The following GAN variants were observed in gnomAD, a reference collection of about 807,000 sequenced individuals.
The protein encoded by GAN is gigaxonin, also known as epididymis secretory sperm binding protein.
In GAN, 48 loss-of-function variants were observed where a neutral mutation model predicts 71.3. The observed-to-expected ratio is 0.67, with a 90% CI of 0.53 to 0.86. GAN has a LOEUF of 0.86. GAN is among the 40% of genes least tolerant of loss of function. The probability of loss-of-function intolerance (pLI) is 0.00; values close to 1 mark genes in which losing one functional copy is unlikely to be tolerated. For synonymous variants in GAN, 386 were observed against 276.8 expected (o/e 1.39, Z -3.92); for missense variants, 928 against 770.1 (o/e 1.21, Z -2.43).
chr16:81,367,960 G>A lies in GAN; in HGVS notation c.1502+2482G>A, dbSNP rs141932733. ...TAGTTTATTTCTTAAAAGATCAGAC[G>A]CAAATGTGTTATATTGGCATAGTGT... is the stretch of plus-strand genomic sequence containing the variant. On this transcript the variant is annotated intron_variant, in intron 9 of 10. Coordinates refer to ENST00000648994, the MANE Select transcript of GAN (RefSeq NM_022041.4). 1.7e-3 allele frequency among the ~76,000 whole-genome samples: 255 copies of A among 152,292 alleles called. 1 individual carries two copies. Among genetic ancestry groups the A allele is most frequent in the African/African-American group, 5.8e-3 (242 of 41,568 alleles).
At chr16:81,335,257 A>C (rs1350171207) in intron 1 of GAN, among the ~76,000 whole-genome samples, 1 of 151,750 alleles carries the variant, frequency 6.6e-6, no homozygotes, top group Non-Finnish European at 1.5e-5. Flanking sequence ...GGAACCTAGG[A>C]ATCTGTTTTT....
rs776812286 is a variant in GAN, at chr16:81,357,852, C to T, written c.894C>T (p.Leu298=). Residue 298 remains leucine (L), a synonymous_variant, in exon 5 of 11, where the codon CTC becomes CTT. Transcript: ENST00000648994. ...PTAAMRCMCP[L]YDPNRQLWIE... ...CAGCGATGCGATGCATGTGCCCTCT[C>T]TATGACCCTAACAGGCAGCTTTGGA... The T allele has an allele frequency of 6.2e-7, 1 of 1,613,318 alleles. No homozygotes were observed. Among genetic ancestry groups the T allele is most frequent in the East Asian group, 2.2e-5 (1 of 44,882 alleles).
chr16:81,367,035 G>C (rs1454384207), intron 9 of GAN, among the ~76,000 whole-genome samples: 1 of 152,030 alleles, frequency 6.6e-6, no homozygotes, highest in Non-Finnish European at 1.5e-5. Context: ...ATGTTTTCCA[G>C]GTTGGTCTCG....
chr16:81,354,537 G>C lies in GAN; in HGVS notation c.415G>C (p.Asp139His). ...IAAENCIGIRDFALHYCLHHV... is the reference protein window; with the variant it reads ...IAAENCIGIRHFALHYCLHHV... ...TGCTGAGAACTGTATTGGTATCCGT[G>C]ACTTTGCACTACATTACTGCCTCCA... Residue 139 changes from aspartate to histidine, a missense_variant, in exon 3 of 11, where the codon GAC becomes CAC. Physicochemically the swap from Asp to His is moderately conservative, Grantham distance 81 (BLOSUM62 -1). Transcript: ENST00000648994. 1 of 1,614,078 alleles carries C rather than the reference G, an allele frequency of 6.2e-7. No individual in the cohort carries two copies. Among genetic ancestry groups the C allele is most frequent in the African/African-American group, 1.3e-5 (1 of 75,040 alleles).
Position 81,357,003 on chromosome 16 carries a change from G to GTC in GAN, c.851+2_851+3insCT, listed in dbSNP as rs770702637. Reference sequence around the variant, plus strand: ...TGACTGTTGGTGGAGAAGAGAGAGTGTAAGTATGAGGTGGGACTTGTTTGA... The same window carrying GTC: ...TGACTGTTGGTGGAGAAGAGAGAGTGTCTAAGTATGAGGTGGGACTTGTTTGA... On this transcript the variant is annotated splice_donor_variant, in intron 4 of 10. Transcript: ENST00000648994. LOFTEE classifies it high-confidence loss of function. 1.3e-6 allele frequency: 2 copies of GTC among 1,573,864 alleles called. No individual in the cohort carries two copies. The highest frequency in any genetic ancestry group is 1.7e-6 in the Non-Finnish European group (2 of 1,144,480).
In GAN at chr16:81,351,491, G is replaced by A. The variant is rs1276366304; in HGVS notation, c.168-92G>A. ...TAGGTGGGGATTCATATACTGATAA[G>A]TATCTTATACGTTATAGAGTTTTGA... is the stretch of plus-strand genomic sequence containing the variant. On this transcript the variant is annotated intron_variant, in intron 1 of 10. Coordinates refer to ENST00000648994, the MANE Select transcript of GAN (RefSeq NM_022041.4). 5 of 720,662 alleles carry A rather than the reference G, an allele frequency of 6.9e-6. No individual in the cohort carries two copies. In the Admixed American group the frequency reaches 9.8e-5, roughly 14 times the overall value. The allele number at this position is 720,662 out of a possible 1,614,324, so 44.6% of individuals were successfully genotyped here. A position where few individuals can be genotyped will look rare whatever the true frequency, so the allele number is the denominator to read the frequency against.
chr16:81,349,205 G>A (rs1910218674), intron 1 of GAN, among the ~76,000 whole-genome samples: 1 of 146,122 alleles, frequency 6.8e-6, no homozygotes, highest in Non-Finnish European at 1.5e-5. Context: ...CCCCGACCCC[G>A]TCCTCACCTA....
intron 1 of GAN, among the ~76,000 whole-genome samples, chr16:81,350,446 T>C (rs1567489626): frequency 6.6e-6 from 1 of 152,178 alleles, no homozygotes; most frequent in Non-Finnish European, 1.5e-5. Context: ...CTATGGAGAA[T>C]AAGTAGCATA....
At chr16:81,345,406 C>T (rs185765488) in intron 1 of GAN, among the ~76,000 whole-genome samples, 8 of 152,146 alleles carry the variant, frequency 5.3e-5, no homozygotes, top group Non-Finnish European at 1.0e-4. Flanking sequence ...CCATGGAATA[C>T]TATGCAGCCA....
chr16:81,374,243 A>G (rs1904275258), intron 9 of GAN, among the ~76,000 whole-genome samples: 1 of 152,236 alleles, frequency 6.6e-6, no homozygotes. Context: ...GATGTGCCTT[A>G]TTGCTGGTGA....
chr16:81,358,026 A>AT (rs1910549570), intron 5 of GAN, 95 bp downstream of exon 5: 4 of 1,059,428 alleles, frequency 3.8e-6, no homozygotes, highest in Non-Finnish European at 5.8e-6. Flanking sequence ...TAAAGATACA[A>AT]TTTTATTATC....
intron 1 of GAN, among the ~76,000 whole-genome samples, chr16:81,331,288 C>CAAGG (rs1215762224): frequency 6.6e-6 from 1 of 152,114 alleles, no homozygotes; most frequent in Non-Finnish European, 1.5e-5. Context: ...TCATGAAAGA[C>CAAGG]AAGGAAGGAA....
chr16:81,358,216 A>C (rs539757501), intron 5 of GAN, among the ~76,000 whole-genome samples: 1 of 152,178 alleles, frequency 6.6e-6, no homozygotes, highest in African/African-American at 2.4e-5. Flanking sequence ...GCTTACCACT[A>C]AGTAGCTGTA....
chr16:81,343,285 C>G (rs112419937), intron 1 of GAN, among the ~76,000 whole-genome samples: 56 of 152,288 alleles, frequency 3.7e-4, no homozygotes, highest in African/African-American at 1.3e-3. Context: ...CCAGCATCAT[C>G]CTGATACCAA....
chr16:81,364,854 C>T (rs775819533), intron 7 of GAN, 120 bp from the exon 8 acceptor site: 363 of 957,000 alleles, frequency 3.8e-4, no homozygotes, highest in Non-Finnish European at 3.9e-4. Context: ...CATCGTTTTA[C>T]GGTTAGAAAT....
At position 81,389,500 on chromosome 16, in the gene GAN, G is replaced by GAGTC. The variant is rs1904502445; in HGVS notation, c.*11905_*11908dup. The GAGTC allele has an allele frequency of 6.6e-6, 1 of 152,284 alleles. No homozygotes were observed. The highest frequency in any genetic ancestry group is 2.4e-5 in the African/African-American group (1 of 41,458). 9.4% of individuals were successfully genotyped at this position (152,284 alleles called of 1,614,324 possible). A position where few individuals can be genotyped will look rare whatever the true frequency, so the allele number is the denominator to read the frequency against. Reference sequence around the variant, plus strand: ...ACCCCCTGCTCTGCCCACCTCCGCAGAGTCCTGTCCTCATCAGAAACGGTA... The same window carrying GAGTC: ...ACCCCCTGCTCTGCCCACCTCCGCAGAGTCAGTCCTGTCCTCATCAGAAACGGTA... On this transcript the variant is annotated 3_prime_UTR_variant, in exon 11 of 11. Coordinates refer to ENST00000648994, the MANE Select transcript of GAN (RefSeq NM_022041.4).
Position 81,362,620 on chromosome 16 carries a change from C to G in GAN, c.1086+9C>G, listed in dbSNP as rs762904814. 20 of 1,325,152 alleles carry G rather than the reference C, an allele frequency of 1.5e-5. No individual in the cohort carries two copies. The East Asian group carries it at 1.6e-4, about 11-fold the overall frequency. The allele number at this position is 1,325,152 out of a possible 1,614,324, so 82.1% of individuals were successfully genotyped here. On this transcript the variant is annotated intron_variant, in intron 6 of 10. Coordinates refer to ENST00000648994, the MANE Select transcript of GAN (RefSeq NM_022041.4). Reference sequence around the variant, plus strand: ...TGCCACCTATGAACGAGGTAAAACACTAGTTGGTTGGTTTGTTTGATGTGT... The same window carrying G: ...TGCCACCTATGAACGAGGTAAAACAGTAGTTGGTTGGTTTGTTTGATGTGT...
chr16:81,370,217 C>T (rs28561847), intron 9 of GAN, among the ~76,000 whole-genome samples: 3,913 of 152,270 alleles, frequency 0.026, 91 homozygotes, highest in East Asian at 0.12. Flanking sequence ...AAACATCTCA[C>T]TGGTCTACCC....
chr16:81,346,043 A>G (rs76820045), intron 1 of GAN, among the ~76,000 whole-genome samples: 3,301 of 152,208 alleles, frequency 0.022, 59 homozygotes, highest in East Asian at 0.083. Flanking sequence ...TAAAATAAGA[A>G]CTCTAATTCT....
Sources: gnomAD v4.1 joint callset for allele counts (sites outside exome capture counted in the v4.1 genomes callset) on GRCh38, gnomAD v4.1.1 for gene constraint, MANE v1.5 for transcripts, NCBI Gene and HGNC (gene_info 2026-07-23, HGNC 2026-07-21) for gene names.